Variants in OPCML observed in about 807,000 individuals in gnomAD.
The protein encoded by OPCML is opioid binding protein/cell adhesion molecule like.
A neutral mutation model predicts 37.8 loss-of-function variants in OPCML; 13 were observed. The ratio of observed to expected loss-of-function variants is 0.34; its 90% CI spans 0.22 to 0.55. The LOEUF (loss-of-function observed/expected upper bound fraction) is 0.55. Among genes scored for constraint, OPCML ranks in the 20% least tolerant of loss-of-function variants. OPCML has a pLI of 0.91. For synonymous variants in OPCML, 176 were observed against 168.8 expected, an observed-to-expected ratio of 1.04 and a Z score of -0.33; for missense variants, 341 against 435.6, an observed-to-expected ratio of 0.78 and a Z score of 1.93.
intron 1 of OPCML, among the ~76,000 whole-genome samples, chr11:133,499,853 C>T (rs1048413966): frequency 4.0e-4 from 46 of 115,538 alleles, no homozygotes; most frequent in African/African-American, 1.8e-3. Context: ...TATATATATA[C>T]ATACACATAT....
chr11:133,358,831 CT>C (rs143061908), intron 1 of OPCML, among the ~76,000 whole-genome samples: 2,805 of 152,242 alleles, frequency 0.018, 78 homozygotes, highest in African/African-American at 0.064. Context: ...TAGAAACCTG[CT>C]GGAGGTGTTC....
chr11:133,090,577 C>T (rs572980900), intron 1 of OPCML, among the ~76,000 whole-genome samples: 37 of 152,252 alleles, frequency 2.4e-4, no homozygotes, highest in African/African-American at 8.2e-4. Flanking sequence ...TACCAAGTGG[C>T]AAAGCACCTG....
At chr11:132,581,198 G>A (rs957698572) in intron 3 of OPCML, among the ~76,000 whole-genome samples, 1 of 152,100 alleles carries the variant, frequency 6.6e-6, no homozygotes, top group Admixed American at 6.6e-5. Context: ...CATCATGAAG[G>A]TGAAGCAACA....
chr11:132,540,773 C>T lies in OPCML; in HGVS notation c.380-11587G>A, dbSNP rs184053554. On this transcript the variant is annotated intron_variant, in intron 3 of 7. Transcript: ENST00000524381. Reference sequence around the variant, plus strand: ...AGTTCATTTGTGATGGTTGTCTCCACAGTGTCTCTTACAGAAGTTATTTAT... The same window carrying T: ...AGTTCATTTGTGATGGTTGTCTCCATAGTGTCTCTTACAGAAGTTATTTAT... Among the ~76,000 whole-genome samples, 128 of 152,338 alleles carry T rather than the reference C, an allele frequency of 8.4e-4. 1 individual carries two copies. Among genetic ancestry groups the T allele is most frequent in the Non-Finnish European group, 2.9e-4 (20 of 68,028 alleles).
chr11:133,257,829 G>A (rs1023269560), intron 1 of OPCML, among the ~76,000 whole-genome samples: 1 of 150,000 alleles, frequency 6.7e-6, no homozygotes, highest in African/African-American at 2.4e-5. Context: ...CCTTTTTCTC[G>A]CCTTCCTTGT....
At chr11:133,524,079 G>A (rs1276186037) in intron 1 of OPCML, among the ~76,000 whole-genome samples, 2 of 152,206 alleles carry the variant, frequency 1.3e-5, no homozygotes, top group African/African-American at 2.4e-5. Context: ...TTCTGTTCAG[G>A]CATACATTCC....
chr11:133,081,329 C>T (rs554377015), intron 1 of OPCML, among the ~76,000 whole-genome samples: 1 of 152,294 alleles, frequency 6.6e-6, no homozygotes, highest in South Asian at 2.1e-4. Flanking sequence ...CGGCATCCTG[C>T]TGATCATTTA....
At chr11:133,073,332 A>C (rs1330850375) in intron 1 of OPCML, among the ~76,000 whole-genome samples, 1 of 152,204 alleles carries the variant, frequency 6.6e-6, no homozygotes, top group Non-Finnish European at 1.5e-5. Flanking sequence ...GGCTGGAATG[A>C]AAGGAGGACA....
chr11:132,531,085 C>G (rs2096323787), intron 3 of OPCML, among the ~76,000 whole-genome samples: 1 of 152,144 alleles, frequency 6.6e-6, no homozygotes, highest in Admixed American at 6.5e-5. Flanking sequence ...GTCTTTGCAC[C>G]TAGAGGATGA....
chr11:133,531,746 A>G (rs967086729), intron 1 of OPCML, among the ~76,000 whole-genome samples: 8 of 121,772 alleles, frequency 6.6e-5, no homozygotes, highest in Admixed American at 3.7e-4. Flanking sequence ...GTGGAGAGGG[A>G]GAGAGAGAGA....
chr11:133,371,817 A>G (rs1196471982), intron 1 of OPCML, among the ~76,000 whole-genome samples: 1 of 152,254 alleles, frequency 6.6e-6, no homozygotes, highest in Non-Finnish European at 1.5e-5. Context: ...GTAATTCTAT[A>G]CGTACTGGAA....
At chr11:133,286,470 CAAAAAA>C (rs60645863) in intron 1 of OPCML, among the ~76,000 whole-genome samples, 134 of 51,302 alleles carry the variant, frequency 2.6e-3, no homozygotes, top group African/African-American at 8.4e-3. Flanking sequence ...CTGTGTCTCA[CAAAAAA>C]AAAAAAAAAA....
At chr11:133,298,498 C>G (rs993958815) in intron 1 of OPCML, 2 of 152,052 alleles carry the variant, frequency 1.3e-5, no homozygotes, top group Admixed American at 6.6e-5. Context: ...ATTCTATTGA[C>G]CCAAGGAAAA....
At chr11:133,005,030 G>A (rs1947079880) in intron 1 of OPCML, 1 of 985,310 alleles carries the variant, frequency 1.0e-6, no homozygotes, top group Non-Finnish European at 1.2e-6. Flanking sequence ...AGCATTGGTG[G>A]CAGCCGTGAG....
At chr11:132,432,254 G>T (rs1294975264) in intron 7 of OPCML, among the ~76,000 whole-genome samples, 1 of 152,180 alleles carries the variant, frequency 6.6e-6, no homozygotes, top group Admixed American at 6.5e-5. Flanking sequence ...AAAGCACTTA[G>T]TCTAGTACCC....
At chr11:133,477,272 T>C (rs770487573) in intron 1 of OPCML, among the ~76,000 whole-genome samples, 2 of 152,196 alleles carry the variant, frequency 1.3e-5, no homozygotes, top group Non-Finnish European at 2.9e-5. Flanking sequence ...AAATAATAAC[T>C]ATCTCTGGTC....
At chr11:133,057,040 C>G (rs1348997854) in intron 1 of OPCML, among the ~76,000 whole-genome samples, 1 of 152,112 alleles carries the variant, frequency 6.6e-6, no homozygotes, top group Non-Finnish European at 1.5e-5. Context: ...GACGGGGTTT[C>G]TCCATGTTGG....
chr11:133,403,828 A>C (rs1279196118), intron 1 of OPCML, among the ~76,000 whole-genome samples: 1 of 152,214 alleles, frequency 6.6e-6, no homozygotes, highest in East Asian at 1.9e-4. Context: ...CACATTAATG[A>C]TCTCATGGCT....
intron 1 of OPCML, among the ~76,000 whole-genome samples, chr11:133,271,543 T>C (rs1320470758): frequency 6.6e-6 from 1 of 152,202 alleles, no homozygotes; most frequent in African/African-American, 2.4e-5. Flanking sequence ...AAGCACTTAC[T>C]GTGTGTGTGG....
Sources: gnomAD v4.1 joint callset for allele counts (sites outside exome capture counted in the v4.1 genomes callset) on GRCh38, gnomAD v4.1.1 for gene constraint, MANE v1.5 for transcripts, NCBI Gene and HGNC (gene_info 2026-07-23, HGNC 2026-07-21) for gene names.